The following GRID1 variants were observed in gnomAD, a reference collection of about 807,000 sequenced individuals.
GRID1 encodes the protein glutamate ionotropic receptor delta type subunit 1.
A neutral mutation model predicts 98.0 loss-of-function variants in GRID1; 28 were observed. The observed-to-expected ratio is 0.29, with a 90% CI of 0.21 to 0.39. GRID1 has a LOEUF of 0.39. Ranked by LOEUF, GRID1 falls within the 10% of genes least tolerant of loss-of-function variation. The pLI is 1.00. For missense variants in GRID1, 1,111 were observed against 1,340.5 expected (o/e 0.83, Z 2.67); for synonymous variants, 553 against 538.5 (o/e 1.03, Z -0.37).
chr10:85,970,881 G>C (rs1842399118), intron 4 of GRID1, among the ~76,000 whole-genome samples: 1 of 151,938 alleles, frequency 6.6e-6, no homozygotes, highest in Admixed American at 6.6e-5. Flanking sequence ...AAATAGGGAG[G>C]AAGAAGTAAA....
chr10:86,244,843 T>C (rs59279593), intron 2 of GRID1, among the ~76,000 whole-genome samples: 7,855 of 152,346 alleles, frequency 0.052, 670 homozygotes, highest in African/African-American at 0.18. Context: ...TAATGAGCTA[T>C]ATACGTATCT....
At chr10:85,798,905 C>G (rs533845258) in intron 8 of GRID1, among the ~76,000 whole-genome samples, 1 of 151,736 alleles carries the variant, frequency 6.6e-6, no homozygotes, top group Non-Finnish European at 1.5e-5. Flanking sequence ...TTTTTGAGGT[C>G]TTACATAAAA....
chr10:86,009,893 A>C (rs745575799), intron 4 of GRID1, among the ~76,000 whole-genome samples: 1 of 152,216 alleles, frequency 6.6e-6, no homozygotes, highest in Non-Finnish European at 1.5e-5. Flanking sequence ...GAAAGTTACC[A>C]GGCTGAAAAC....
intron 4 of GRID1, among the ~76,000 whole-genome samples, chr10:86,087,408 G>A (rs908862162): frequency 1.3e-5 from 2 of 150,182 alleles, no homozygotes; most frequent in Non-Finnish European, 3.0e-5. Flanking sequence ...GTGTGTGTCC[G>A]GGGTGTCTGT....
chr10:86,163,694 G>T (rs1476009092), intron 3 of GRID1, among the ~76,000 whole-genome samples: 90 of 152,250 alleles, frequency 5.9e-4, no homozygotes, highest in Admixed American at 5.9e-3. Flanking sequence ...TGCTCTTCTG[G>T]CCCAGAGCCA....
At chr10:85,739,701 G>A (rs781554585) in intron 8 of GRID1, among the ~76,000 whole-genome samples, 2 of 152,094 alleles carry the variant, frequency 1.3e-5, no homozygotes, top group Admixed American at 6.5e-5. Flanking sequence ...AAAAATTATC[G>A]ATCTCAAAGA....
chr10:85,824,516 T>G lies in GRID1; in HGVS notation c.1233+29980A>C, dbSNP rs984735448. On this transcript the variant is annotated intron_variant, in intron 8 of 15. Coordinates refer to ENST00000327946, the MANE Select transcript of GRID1 (RefSeq NM_017551.3). Reference sequence around the variant, plus strand: ...CATGTGCCACCATGCCCAGCCCTTTTTGGTTGTTTTTTAATTCATTTTTTC... The same window carrying G: ...CATGTGCCACCATGCCCAGCCCTTTGTGGTTGTTTTTTAATTCATTTTTTC... 7.9e-5 allele frequency among the ~76,000 whole-genome samples: 12 copies of G among 152,302 alleles called. 1 individual carries two copies. In the East Asian group the frequency reaches 2.3e-3, roughly 29 times the overall value.
intron 3 of GRID1, among the ~76,000 whole-genome samples, chr10:86,177,410 T>C (rs1213559588): frequency 2.6e-5 from 4 of 151,906 alleles, no homozygotes; most frequent in Admixed American, 2.6e-4. Flanking sequence ...AGTGTGTGCA[T>C]ATGTGCATGA....
intron 8 of GRID1, among the ~76,000 whole-genome samples, chr10:85,813,900 A>G (rs1172597849): frequency 6.6e-6 from 1 of 151,888 alleles, no homozygotes; most frequent in Non-Finnish European, 1.5e-5. Flanking sequence ...AATTTTCTAA[A>G]GTTTACATAA....
intron 13 of GRID1, among the ~76,000 whole-genome samples, chr10:85,632,571 G>GTT (rs202093602): frequency 2.0e-5 from 3 of 152,000 alleles, no homozygotes; most frequent in African/African-American, 7.2e-5. Context: ...ACTTTTTAAG[G>GTT]TTTTTTTGTT....
At position 86,025,363 on chromosome 10, in the gene GRID1, C is replaced by T. The variant is rs191605092; in HGVS notation, c.727-109124G>A. On this transcript the variant is annotated intron_variant, in intron 4 of 15. Coordinates refer to ENST00000327946, the MANE Select transcript of GRID1 (RefSeq NM_017551.3). Reference sequence around the variant, plus strand: ...AACTATGCAGCTCAAGTGCAGAGACCAGGCCTTGAATACGAGTGATTCCAA... The same window carrying T: ...AACTATGCAGCTCAAGTGCAGAGACTAGGCCTTGAATACGAGTGATTCCAA... Among the ~76,000 whole-genome samples, 119 of 152,310 alleles carry T rather than the reference C, an allele frequency of 7.8e-4. 1 individual carries two copies. In the South Asian group the frequency reaches 9.5e-3, roughly 12 times the overall value.
intron 2 of GRID1, among the ~76,000 whole-genome samples, chr10:86,338,784 C>G (rs1848267146): frequency 6.6e-6 from 1 of 152,184 alleles, no homozygotes; most frequent in African/African-American, 2.4e-5. Context: ...TCTTGAACTC[C>G]TGACCTCAAG....
intron 4 of GRID1, among the ~76,000 whole-genome samples, chr10:86,124,156 T>C (rs959202351): frequency 1.3e-5 from 2 of 152,072 alleles, no homozygotes; most frequent in Non-Finnish European, 2.9e-5. Context: ...AGTCAGAGAG[T>C]GGCAGAGACA....
intron 8 of GRID1, among the ~76,000 whole-genome samples, chr10:85,776,250 A>G (rs1016994199): frequency 6.6e-6 from 1 of 152,218 alleles, no homozygotes; most frequent in African/African-American, 2.4e-5. Flanking sequence ...GGGCCCAGGA[A>G]TAAGCACTTC....
intron 4 of GRID1, among the ~76,000 whole-genome samples, chr10:85,981,724 CTCCAGG>C (rs1842546519): frequency 6.6e-6 from 1 of 152,214 alleles, no homozygotes; most frequent in South Asian, 2.1e-4. Flanking sequence ...TCACTAGATG[CTCCAGG>C]CACCTACTAT....
intron 12 of GRID1, among the ~76,000 whole-genome samples, chr10:85,707,782 C>T (rs1346937812): frequency 1.3e-5 from 2 of 152,104 alleles, no homozygotes; most frequent in African/African-American, 2.4e-5. Context: ...ACTCTGCAGC[C>T]ATAAAAAATG....
chr10:86,028,240 T>C (rs1442207661), intron 4 of GRID1, among the ~76,000 whole-genome samples: 1 of 152,326 alleles, frequency 6.6e-6, no homozygotes, highest in Non-Finnish European at 1.5e-5. Context: ...CACCAAACTG[T>C]GCACTACAGC....
At chr10:85,699,657 C>T (rs1307701864) in intron 12 of GRID1, among the ~76,000 whole-genome samples, 1 of 152,110 alleles carries the variant, frequency 6.6e-6, no homozygotes, top group Non-Finnish European at 1.5e-5. Context: ...AGTAAATTTT[C>T]TATTAATAAA....
intron 4 of GRID1, among the ~76,000 whole-genome samples, chr10:85,972,468 TA>T (rs1842421535): frequency 6.8e-6 from 1 of 148,112 alleles, no homozygotes; most frequent in South Asian, 2.1e-4. Context: ...TATATTTATA[TA>T]AATATATTAA....
Sources: gnomAD v4.1 joint callset for allele counts (sites outside exome capture counted in the v4.1 genomes callset) on GRCh38, gnomAD v4.1.1 for gene constraint, MANE v1.5 for transcripts, NCBI Gene and HGNC (gene_info 2026-07-23, HGNC 2026-07-21) for gene names.